Variants in ITGAE observed in about 807,000 individuals in gnomAD.
ITGAE encodes the protein integrin subunit alpha E.
In ITGAE, 99 loss-of-function variants were observed where a neutral mutation model predicts 136.5. The ratio of observed to expected loss-of-function variants is 0.73; its 90% CI spans 0.62 to 0.86. The LOEUF is 0.86. ITGAE is among the 40% of genes least tolerant of loss of function. ITGAE has a pLI of 0.00. For synonymous variants in ITGAE, 613 were observed against 591.8 expected (o/e 1.04, Z -0.52); for missense variants, 1,447 against 1,515.3 (o/e 0.95, Z 0.75).
intron 20 of ITGAE, among the ~76,000 whole-genome samples, chr17:3,735,230 C>T (rs1338940918): frequency 1.3e-5 from 2 of 152,154 alleles, no homozygotes; most frequent in East Asian, 1.9e-4. Context: ...TGCAATGGCA[C>T]GATCTCGGCT....
rs79295828 is a variant in ITGAE, at chr17:3,781,779, G to A, written c.35-4119C>T. Reference sequence around the variant, plus strand: ...GAAATGTCTCATCATTATTTGTTGAGTAGCTCCTCTTAACCCATAGTTTGG... The same window carrying A: ...GAAATGTCTCATCATTATTTGTTGAATAGCTCCTCTTAACCCATAGTTTGG... On this transcript the variant is annotated intron_variant, in intron 1 of 30. Coordinates refer to ENST00000263087, the MANE Select transcript of ITGAE (RefSeq NM_002208.5). Among the ~76,000 whole-genome samples, 5 of 152,282 alleles carry A rather than the reference G, an allele frequency of 3.3e-5. No homozygotes were observed. The East Asian group carries it at 9.6e-4, about 29-fold the overall frequency.
intron 24 of ITGAE, 38 bp downstream of exon 24, chr17:3,729,440 T>A: frequency 1.5e-6 from 2 of 1,333,950 alleles, no homozygotes; most frequent in African/African-American, 2.9e-5. Flanking sequence ...CCCTGGGCGA[T>A]GGAGTCACAC....
In ITGAE at chr17:3,799,104, A is replaced by G. The variant is rs1314581658; in HGVS notation, c.34+2007T>C. On this transcript the variant is annotated intron_variant, in intron 1 of 30. Coordinates refer to ENST00000263087, the MANE Select transcript of ITGAE (RefSeq NM_002208.5). The surrounding 1 kb of genome is among the most constrained non-coding windows in gnomAD (Gnocchi z 4.1). Reference sequence around the variant, plus strand: ...TACAGGGTGCTGGGCCTGGAGCCACAGTCTGAGGGAGTTCTTCCTCCCAGC... The same window carrying G: ...TACAGGGTGCTGGGCCTGGAGCCACGGTCTGAGGGAGTTCTTCCTCCCAGC... 6.6e-6 allele frequency among the ~76,000 whole-genome samples: 1 copy of G among 152,168 alleles called. No individual in the cohort carries two copies. Among genetic ancestry groups the G allele is most frequent in the East Asian group, 1.9e-4 (1 of 5,192 alleles).
At position 3,798,736 on chromosome 17, in the gene ITGAE, C is replaced by T. The variant is rs182762666; in HGVS notation, c.34+2375G>A. Reference sequence around the variant, plus strand: ...TAGGCTGACAGGACAGGCTTCTTCACGCAAGGGTGGAAACTCAACCTCTGA... The same window carrying T: ...TAGGCTGACAGGACAGGCTTCTTCATGCAAGGGTGGAAACTCAACCTCTGA... On this transcript the variant is annotated intron_variant, in intron 1 of 30. Coordinates refer to ENST00000263087, the MANE Select transcript of ITGAE (RefSeq NM_002208.5). This position sits in a 1 kb window ranked among gnomAD's most constrained non-coding sequence, Gnocchi z 4.3. Among the ~76,000 whole-genome samples the T allele has an allele frequency of 1.6e-4, 25 of 152,282 alleles. No homozygotes were observed. The highest frequency in any genetic ancestry group is 5.1e-4 in the African/African-American group (21 of 41,558).
intron 29 of ITGAE, among the ~76,000 whole-genome samples, 191 bp downstream of exon 29, chr17:3,720,116 C>T (rs536612986): frequency 6.6e-5 from 10 of 152,162 alleles, no homozygotes; most frequent in Non-Finnish European, 1.3e-4. Context: ...AACTCCTCAG[C>T]TTAGGCCTCT....
intron 1 of ITGAE, among the ~76,000 whole-genome samples, chr17:3,778,865 G>A (rs1278721210): frequency 6.6e-6 from 1 of 152,116 alleles, no homozygotes; most frequent in Non-Finnish European, 1.5e-5. Context: ...GTGATCTCTA[G>A]AAAACATGGA....
At chr17:3,796,134 C>CGTGT (rs1567565712) in intron 1 of ITGAE, among the ~76,000 whole-genome samples, 28 of 29,052 alleles carry the variant, frequency 9.6e-4, no homozygotes, top group African/African-American at 4.6e-3. Flanking sequence ...TGTGTGCATC[C>CGTGT]ATGTGTGTGC....
chr17:3,755,943 G>A, intron 10 of ITGAE, 46 bp from the exon 11 acceptor site: 1 of 1,541,376 alleles, frequency 6.5e-7, no homozygotes, highest in South Asian at 1.2e-5. Context: ...CCGAGGTGAA[G>A]GGAGAAACTG....
At chr17:3,791,082 G>A (rs531285973) in intron 1 of ITGAE, among the ~76,000 whole-genome samples, 3 of 150,524 alleles carry the variant, frequency 2.0e-5, no homozygotes, top group Admixed American at 6.6e-5. Context: ...GTGAACCCAG[G>A]AGGCAGAGCT....
chr17:3,755,271 A>T lies in ITGAE; in HGVS notation c.1240-10T>A, dbSNP rs2051993366. 6.4e-7 allele frequency: 1 copy of T among 1,567,852 alleles called. No homozygotes were observed. The highest frequency in any genetic ancestry group is 8.6e-7 in the Non-Finnish European group (1 of 1,163,352). On this transcript the variant is annotated splice_polypyrimidine_tract_variant and intron_variant, in intron 11 of 30. Transcript: ENST00000263087. ...CGAGCAGCACCTGCCGCTGAAGGGG[A>T]CGGGGATGGGGCCCAGATGAGTGGG... is the stretch of plus-strand genomic sequence containing the variant.
intron 21 of ITGAE, among the ~76,000 whole-genome samples, chr17:3,733,486 A>G (rs972026863): frequency 6.6e-6 from 1 of 152,102 alleles, no homozygotes; most frequent in African/African-American, 2.4e-5. Context: ...CAGTGGCGCA[A>G]TCTCAGCTCA....
chr17:3,765,151 C>T (rs1597347289), intron 2 of ITGAE, among the ~76,000 whole-genome samples: 1 of 151,896 alleles, frequency 6.6e-6, no homozygotes, highest in East Asian at 1.9e-4. Flanking sequence ...AGATCGAGAC[C>T]ATCCTGGCTA....
chr17:3,757,457 C>G (rs900401539), intron 9 of ITGAE, among the ~76,000 whole-genome samples: 1 of 152,182 alleles, frequency 6.6e-6, no homozygotes, highest in Admixed American at 6.5e-5. Context: ...CTTGGCACCG[C>G]GGTCCTCCAG....
At chr17:3,740,538 G>A (rs1327696890) in intron 19 of ITGAE, among the ~76,000 whole-genome samples, 2 of 152,134 alleles carry the variant, frequency 1.3e-5, no homozygotes, top group African/African-American at 4.8e-5. Context: ...CACCACGCCT[G>A]GCTAACTTTG....
chr17:3,761,298 TGTGGGCC>T (rs2052161833), intron 5 of ITGAE, 98 bp downstream of exon 5: 1 of 1,546,622 alleles, frequency 6.5e-7, no homozygotes, highest in African/African-American at 1.4e-5. Context: ...CTTGCTCCAC[TGTGGGCC>T]TGCGTCCCAC....
At chr17:3,768,345 G>A (rs900100592) in intron 2 of ITGAE, among the ~76,000 whole-genome samples, 4 of 151,950 alleles carry the variant, frequency 2.6e-5, no homozygotes, top group Non-Finnish European at 4.4e-5. Flanking sequence ...GGCTAGTCTC[G>A]AACTCCTGGG....
intron 19 of ITGAE, among the ~76,000 whole-genome samples, chr17:3,742,015 T>A (rs1017271220): frequency 1.7e-4 from 26 of 152,124 alleles, no homozygotes; most frequent in Admixed American, 9.8e-4. Context: ...AGGCAGAGGT[T>A]GCAGTGAGCC....
intron 12 of ITGAE, among the ~76,000 whole-genome samples, chr17:3,754,361 T>A (rs916046598): frequency 9.2e-5 from 14 of 152,080 alleles, no homozygotes; most frequent in Non-Finnish European, 1.9e-4. Context: ...AACCTCCCCC[T>A]CCCGGGTTCA....
intron 2 of ITGAE, among the ~76,000 whole-genome samples, chr17:3,772,275 T>C (rs1034082245): frequency 1.3e-5 from 2 of 152,104 alleles, no homozygotes; most frequent in Admixed American, 1.3e-4. Flanking sequence ...TCATTGTCAC[T>C]CTTGTCATCG....
Sources: allele counts gnomAD v4.1 joint callset (sites outside exome capture counted in the v4.1 genomes callset), GRCh38; gene constraint gnomAD v4.1.1; non-coding constraint Gnocchi (gnomAD v3.1); transcripts MANE v1.5; gene names NCBI Gene and HGNC (gene_info 2026-07-23, HGNC 2026-07-21).